Variants in DNMBP observed in about 807,000 individuals in gnomAD.
DNMBP encodes the protein dynamin-binding protein.
In DNMBP, 87 loss-of-function variants were observed where a neutral mutation model predicts 150.0. The observed-to-expected ratio is 0.58, with a 90% confidence interval of 0.49 to 0.69. The LOEUF is 0.69. Among genes scored for constraint, DNMBP ranks in the 30% least tolerant of loss-of-function variants. The probability of loss-of-function intolerance (pLI) is 0.00; values close to 1 mark genes in which losing one functional copy is unlikely to be tolerated. For synonymous variants in DNMBP, 711 were observed against 750.4 expected (o/e 0.95, Z 0.86); for missense variants, 1,774 against 1,949.0 (o/e 0.91, Z 1.69).
At chr10:99,963,235 A>T (rs576159089) in intron 3 of DNMBP, among the ~76,000 whole-genome samples, 2 of 148,936 alleles carry the variant, frequency 1.3e-5, no homozygotes, top group South Asian at 2.1e-4. Flanking sequence ...TGCCCAGCTA[A>T]TTTTTTTTTT....
At chr10:99,895,566 T>G (rs1049273919) in intron 10 of DNMBP, among the ~76,000 whole-genome samples, 2 of 152,210 alleles carry the variant, frequency 1.3e-5, no homozygotes, top group African/African-American at 2.4e-5. Context: ...CTTTAAACCT[T>G]CTTTGCAAGC....
At chr10:99,897,352 A>G (rs994466111) in intron 9 of DNMBP, among the ~76,000 whole-genome samples, 5 of 152,128 alleles carry the variant, frequency 3.3e-5, no homozygotes, top group Non-Finnish European at 5.9e-5. Flanking sequence ...ACAGGACAAG[A>G]AAGGTGAGCA....
intron 4 of DNMBP, among the ~76,000 whole-genome samples, chr10:99,919,158 C>A (rs1374887067): frequency 6.6e-6 from 1 of 152,156 alleles, no homozygotes; most frequent in Admixed American, 6.5e-5. Context: ...TTGTTTAAGA[C>A]CAAACAGCTC....
chr10:99,894,900 G>T, intron 11 of DNMBP, 46 bp downstream of exon 11: 1 of 1,415,516 alleles, frequency 7.1e-7, no homozygotes, highest in Non-Finnish European at 1.0e-6. Context: ...AAAGGGGACA[G>T]AATTACATCG....
At chr10:99,898,391 A>G in intron 8 of DNMBP, 106 bp from the exon 9 acceptor site, 1 of 836,658 alleles carries the variant, frequency 1.2e-6, no homozygotes, top group Admixed American at 2.0e-5. Context: ...TTAACATAAT[A>G]ATAATGTACA....
Position 99,956,076 on chromosome 10 carries a change from G to A in DNMBP, c.1398C>T (p.Ser466=). 6.2e-7 allele frequency: 1 copy of A among 1,614,182 alleles called. No individual in the cohort carries two copies. The highest frequency in any genetic ancestry group is 8.5e-7 in the Non-Finnish European group (1 of 1,180,038). ...YASLPPKRMY[S]QLKTLQKPVL... ...CTGGCTTCTGAAGAGTTTTTAGCTGGGAATACATTCTTTTGGGAGGTAGGC... is the reference window on the plus strand; with the variant it reads ...CTGGCTTCTGAAGAGTTTTTAGCTGAGAATACATTCTTTTGGGAGGTAGGC... Residue 466 remains serine, a synonymous_variant, in exon 4 of 17, where the codon TCC becomes TCT. Coordinates refer to ENST00000324109, the MANE Select transcript of DNMBP (RefSeq NM_015221.4).
At chr10:99,995,608 T>C (rs1281858654) in intron 1 of DNMBP, among the ~76,000 whole-genome samples, 1 of 152,136 alleles carries the variant, frequency 6.6e-6, no homozygotes, top group East Asian at 1.9e-4. Flanking sequence ...ACAGGCTTGT[T>C]GGGGGCATTT....
At chr10:99,964,275 C>G (rs2040595329) in intron 3 of DNMBP, among the ~76,000 whole-genome samples, 1 of 151,190 alleles carries the variant, frequency 6.6e-6, no homozygotes, top group South Asian at 2.1e-4. Flanking sequence ...TCCCGAGGAG[C>G]TGGGATTACA....
chr10:99,979,806 C>T (rs553682694), intron 1 of DNMBP, among the ~76,000 whole-genome samples: 1 of 152,304 alleles, frequency 6.6e-6, no homozygotes, highest in South Asian at 2.1e-4. Context: ...GTAACCTTGT[C>T]CCACTCCACT....
At position 99,886,353 on chromosome 10, in the gene DNMBP, C is replaced by T. The variant is rs757474777; in HGVS notation, c.3565G>A (p.Ala1189Thr). Residue 1189 changes from alanine to threonine, a missense_variant, in exon 13 of 17, where the codon GCC (alanine) becomes ACC (threonine). Coordinates refer to ENST00000324109, the MANE Select transcript of DNMBP (RefSeq NM_015221.4). Reference sequence around the variant, plus strand: ...GCCTGGTGCACAAAGTCACAGTGGGCTTCAGCATAGCCGTGGACACAGTTG... The same window carrying T: ...GCCTGGTGCACAAAGTCACAGTGGGTTTCAGCATAGCCGTGGACACAGTTG... ...FTNCVHGYAE[A>T]HCDFVHQALE... The T allele has an allele frequency of 3.1e-6, 5 of 1,614,186 alleles. No homozygotes were observed. In the South Asian group the frequency reaches 4.4e-5, roughly 14 times the overall value.
chr10:99,950,402 C>T (rs1425811849), intron 4 of DNMBP, among the ~76,000 whole-genome samples: 1 of 152,090 alleles, frequency 6.6e-6, no homozygotes, highest in African/African-American at 2.4e-5. Context: ...AAAAGATACC[C>T]GGAAATGTGG....
At position 99,888,955 on chromosome 10, in the gene DNMBP, T is replaced by C. The variant is rs562802539; in HGVS notation, c.3157-2A>G. On this transcript the variant is annotated splice_acceptor_variant, in intron 11 of 16. Transcript: ENST00000324109. LOFTEE classifies it high-confidence loss of function. ...CACCACTTTCACACATGCGGACTCC[T>C]GGAGCCAGTTAGGACAGACACAAGT... 9 of 1,614,004 alleles carry C rather than the reference T, an allele frequency of 5.6e-6. No homozygotes were observed. Among genetic ancestry groups the C allele is most frequent in the Non-Finnish European group, 7.6e-6 (9 of 1,179,986 alleles).
chr10:99,953,920 G>A (rs1189089530), intron 4 of DNMBP, among the ~76,000 whole-genome samples: 18 of 152,116 alleles, frequency 1.2e-4, no homozygotes, highest in African/African-American at 3.9e-4. Context: ...GCTTAATGGA[G>A]CCTGATTAAA....
Position 99,898,758 on chromosome 10 carries a change from C to A in DNMBP, c.2705G>T (p.Ser902Ile). The A allele has an allele frequency of 6.2e-7, 1 of 1,613,630 alleles. No individual in the cohort carries two copies. Among genetic ancestry groups the A allele is most frequent in the East Asian group, 2.2e-5 (1 of 44,868 alleles). Residue 902 changes from serine (S) to isoleucine (I), a missense_variant and splice_region_variant, in exon 8 of 17, where the codon AGC becomes ATC. Ser to Ile is a moderately radical substitution (Grantham distance 142). This residue lies in a region of DNMBP where 1,430 missense variants were observed against 1,492.5 expected (regional missense o/e 0.96). Coordinates refer to ENST00000324109, the MANE Select transcript of DNMBP (RefSeq NM_015221.4). ...HLQDSLADLKSLYNEWGCTNY... is the reference protein window; with the variant it reads ...HLQDSLADLKILYNEWGCTNY... Reference sequence around the variant, plus strand: ...TGGAACTTACCATTCGTTGTATAGGCTCCTGCAAGGCAGTGGGCATGAAAA... The same window carrying A: ...TGGAACTTACCATTCGTTGTATAGGATCCTGCAAGGCAGTGGGCATGAAAA...
intron 16 of DNMBP, among the ~76,000 whole-genome samples, chr10:99,878,006 C>T (rs574127000): frequency 6.6e-6 from 1 of 152,292 alleles, no homozygotes; most frequent in African/African-American, 2.4e-5. Flanking sequence ...GTGATCCCAG[C>T]TACTCCAGAG....
At chr10:99,964,963 G>T (rs1425306204) in intron 3 of DNMBP, among the ~76,000 whole-genome samples, 1 of 151,622 alleles carries the variant, frequency 6.6e-6, no homozygotes, top group Non-Finnish European at 1.5e-5. Flanking sequence ...GGAAAAGGAA[G>T]AAGGGTGACA....
chr10:100,001,210 G>A (rs536534521), intron 1 of DNMBP, among the ~76,000 whole-genome samples: 40 of 106,252 alleles, frequency 3.8e-4, no homozygotes, highest in African/African-American at 1.3e-3. Flanking sequence ...CAGCCTGGAG[G>A]ACAGAGCAAG....
rs368368077 is a variant in DNMBP, at chr10:99,886,463, G to A, written c.3455C>T (p.Ser1152Leu). 33 of 1,614,020 alleles carry A rather than the reference G, an allele frequency of 2.0e-5. No individual in the cohort carries two copies. The highest frequency in any genetic ancestry group is 6.6e-5 in the South Asian group (6 of 91,078). ...CAGGGCCTCATAGTTGTTCCGGGCC[G>A]ACTGCAGCTCCTCCAGGGTCTTCTT... Reference protein sequence around the residue: ...KDKKTLEELQSARNNYEALNA... With the variant: ...KDKKTLEELQLARNNYEALNA... Residue 1152 changes from serine (S) to leucine (L), a missense_variant, in exon 13 of 17, where the codon TCG becomes TTG. Around this residue, in one of 2 missense-constraint regions of DNMBP, gnomAD observed 1,430 missense variants for 1,492.5 expected, o/e 0.96. Transcript: ENST00000324109.
At chr10:99,990,279 G>C (rs933814554) in intron 1 of DNMBP, among the ~76,000 whole-genome samples, 7 of 152,114 alleles carry the variant, frequency 4.6e-5, no homozygotes, top group Admixed American at 6.6e-5. Flanking sequence ...CTGGCTAGGC[G>C]TGGTGGCTCA....
Sources: allele counts gnomAD v4.1 joint callset (sites outside exome capture counted in the v4.1 genomes callset), GRCh38; gene constraint gnomAD v4.1.1; regional missense constraint gnomAD v4.1.1; transcripts MANE v1.5; gene names NCBI Gene and HGNC (gene_info 2026-07-23, HGNC 2026-07-21).